The following DNAAF4 variants were observed in gnomAD, a reference collection of about 807,000 sequenced individuals.
The protein encoded by DNAAF4 is dynein assembly factor 4, axonemal.
DNAAF4 carries 43 observed loss-of-function variants against 51.8 expected under a neutral mutation model. That is an observed-to-expected ratio of 0.83 (90% confidence interval 0.65 to 1.07). The LOEUF is 1.07. Ranked by LOEUF, DNAAF4 falls within the 50% of genes least tolerant of loss-of-function variation. The pLI, the probability that DNAAF4 is intolerant of heterozygous loss-of-function variation, is 0.00. For synonymous variants in DNAAF4, 194 were observed against 165.6 expected (o/e 1.17, Z -1.32); for missense variants, 581 against 493.0 (o/e 1.18, Z -1.69).
intron 5 of DNAAF4, among the ~76,000 whole-genome samples, chr15:55,451,237 G>A (rs2057927593): frequency 6.6e-6 from 1 of 152,210 alleles, no homozygotes; most frequent in South Asian, 2.1e-4. Flanking sequence ...CAGCCAGGAT[G>A]GCCTTGTAGA....
At chr15:55,428,011 G>A (rs2141390252), downstream of DNAAF4, among the ~76,000 whole-genome samples, 1 of 152,178 alleles carries the variant, frequency 6.6e-6, no homozygotes, top group South Asian at 2.1e-4. Flanking sequence ...GTAGTGCAAT[G>A]GCCCAATCTC....
chr15:55,467,263 C>A (rs1315343275), intron 4 of DNAAF4, 102 bp from the exon 5 acceptor site: 4 of 1,092,322 alleles, frequency 3.7e-6, no homozygotes, highest in Non-Finnish European at 5.2e-6. Context: ...CCTCTAAACT[C>A]TTGCCATTGT....
intron 6 of DNAAF4, among the ~76,000 whole-genome samples, chr15:55,445,250 A>G (rs2057779827): frequency 6.6e-6 from 1 of 151,926 alleles, no homozygotes; most frequent in Non-Finnish European, 1.5e-5. Context: ...ACTCTTAACG[A>G]GCATGCTGCC....
At chr15:55,454,428 A>C (rs113165412) in intron 5 of DNAAF4, among the ~76,000 whole-genome samples, 1 of 151,914 alleles carries the variant, frequency 6.6e-6, no homozygotes, top group East Asian at 2.0e-4. Context: ...CCCAGGCTAG[A>C]GTGCAGTGGC....
intron 7 of DNAAF4, among the ~76,000 whole-genome samples, chr15:55,437,144 T>C (rs914815688): frequency 3.3e-5 from 5 of 152,232 alleles, no homozygotes; most frequent in African/African-American, 9.6e-5. Flanking sequence ...TCCATGTTAT[T>C]GTACTTCCCA....
At chr15:55,478,729 T>G (rs989552584) in intron 4 of DNAAF4, among the ~76,000 whole-genome samples, 2 of 152,164 alleles carry the variant, frequency 1.3e-5, no homozygotes, top group Non-Finnish European at 2.9e-5. Flanking sequence ...TGACAAAGGT[T>G]ACAATGACAA....
chr15:55,488,358 T>A (rs57411546), intron 4 of DNAAF4, among the ~76,000 whole-genome samples: 2 of 152,046 alleles, frequency 1.3e-5, no homozygotes, highest in Non-Finnish European at 2.9e-5. Context: ...TTGGTAGATG[T>A]CCTTCAAGTT....
intron 4 of DNAAF4, among the ~76,000 whole-genome samples, chr15:55,479,771 T>C (rs2058382748): frequency 6.6e-6 from 1 of 152,222 alleles, no homozygotes; most frequent in East Asian, 1.9e-4. Context: ...ATGTCTGTCT[T>C]GTGCAGTTGA....
At chr15:55,444,383 G>T (rs2057762841) in intron 6 of DNAAF4, among the ~76,000 whole-genome samples, 1 of 152,126 alleles carries the variant, frequency 6.6e-6, no homozygotes, top group African/African-American at 2.4e-5. Context: ...TGAGGGCTCT[G>T]TTCTGTTCCA....
At chr15:55,476,702 CA>C (rs2058339490) in intron 4 of DNAAF4, among the ~76,000 whole-genome samples, 1 of 151,824 alleles carries the variant, frequency 6.6e-6, no homozygotes, top group Admixed American at 6.6e-5. Context: ...AAAACAGTCA[CA>C]AAAGGACAAA....
chr15:55,424,252 T>C (rs1184650750), intron 7 of DNAAF4, among the ~76,000 whole-genome samples: 1 of 152,236 alleles, frequency 6.6e-6, no homozygotes, highest in Non-Finnish European at 1.5e-5. Context: ...TGTCTTACTA[T>C]GTGATACATT....
downstream of DNAAF4, among the ~76,000 whole-genome samples, chr15:55,426,257 G>C (rs1233361001): frequency 1.3e-5 from 2 of 152,296 alleles, no homozygotes; most frequent in South Asian, 4.1e-4. Flanking sequence ...GCAGTTTAGT[G>C]AGGGTCAGAA....
intron 4 of DNAAF4, among the ~76,000 whole-genome samples, chr15:55,471,119 C>T (rs1400638296): frequency 2.0e-5 from 3 of 152,136 alleles, no homozygotes; most frequent in African/African-American, 7.2e-5. Flanking sequence ...CCTCGGCCTC[C>T]CAAAGTGCTG....
intron 4 of DNAAF4, among the ~76,000 whole-genome samples, chr15:55,482,367 C>T (rs1416654572): frequency 2.0e-5 from 3 of 152,070 alleles, no homozygotes; most frequent in Non-Finnish European, 4.4e-5. Context: ...TAAGTATATA[C>T]ATGAAAGAAT....
At chr15:55,500,402 C>T (rs2058690193) in intron 1 of DNAAF4, among the ~76,000 whole-genome samples, 1 of 152,158 alleles carries the variant, frequency 6.6e-6, no homozygotes, top group Admixed American at 6.5e-5. Context: ...CCCTTTTGTT[C>T]TATTCCTACT....
intron 4 of DNAAF4, among the ~76,000 whole-genome samples, chr15:55,489,324 A>C (rs906934213): frequency 5.3e-5 from 8 of 152,210 alleles, no homozygotes; most frequent in Non-Finnish European, 1.0e-4. Context: ...GATGGAATTA[A>C]GTATGCTAAA....
rs543470136 is a variant in DNAAF4, at chr15:55,448,702, T to C, written c.783+1520A>G. Among the ~76,000 whole-genome samples the C allele has an allele frequency of 9.9e-5, 15 of 151,712 alleles. No homozygotes were observed. In the East Asian group the frequency reaches 2.8e-3, roughly 28 times the overall value. On this transcript the variant is annotated intron_variant, in intron 6 of 9. Transcript: ENST00000321149. ...GGCTAATATGGTGAAACCCCATCTCTATTAAAAACTACACAAAATTAGCTG... is the reference window on the plus strand; with the variant it reads ...GGCTAATATGGTGAAACCCCATCTCCATTAAAAACTACACAAAATTAGCTG...
chr15:55,467,880 T>A (rs7181999), intron 4 of DNAAF4, among the ~76,000 whole-genome samples: 1 of 151,822 alleles, frequency 6.6e-6, no homozygotes, highest in Admixed American at 6.6e-5. Context: ...TTCCCTCACA[T>A]GGGCAAGAAA....
intron 6 of DNAAF4, among the ~76,000 whole-genome samples, chr15:55,449,500 T>C (rs2057898223): frequency 6.7e-6 from 1 of 148,746 alleles, no homozygotes; most frequent in South Asian, 2.2e-4. Context: ...CCATCTCTAC[T>C]AAAAATATAA....
Sources: gnomAD v4.1 joint callset for allele counts (sites outside exome capture counted in the v4.1 genomes callset) on GRCh38, gnomAD v4.1.1 for gene constraint, MANE v1.5 for transcripts, NCBI Gene and HGNC (gene_info 2026-07-23, HGNC 2026-07-21) for gene names.